The following NIPA2 variants were observed in gnomAD, a reference collection of about 807,000 sequenced individuals.
NIPA2 encodes magnesium transporter NIPA2.
NIPA2 carries 11 observed loss-of-function variants against 29.7 expected under a neutral mutation model. That is an observed-to-expected ratio of 0.37 (90% CI 0.23 to 0.61). The LOEUF is 0.61. NIPA2 is among the 20% of genes least tolerant of loss of function. NIPA2 has a pLI of 0.66. For synonymous variants in NIPA2, 183 were observed against 161.9 expected, an observed-to-expected ratio of 1.13 and a Z score of -0.99; for missense variants, 426 against 437.9, an observed-to-expected ratio of 0.97 and a Z score of 0.24.
chr15:22,856,936 A>C (rs887575504), intron 5 of NIPA2, among the ~76,000 whole-genome samples: 3 of 152,198 alleles, frequency 2.0e-5, no homozygotes, highest in Non-Finnish European at 4.4e-5. Context: ...GTAGCTTTTC[A>C]ATTTAGATAA....
At position 22,866,427 on chromosome 15, in the gene NIPA2, G is replaced by C. The variant is rs530655089; in HGVS notation, c.663G>C (p.Leu221=). ...PVLRHPLAWI[L]LLSLIVCVST... is the part of the protein sequence containing the mutation. ...TGCGGCATCCCCTGGCTTGGATTCT[G>C]CTGCTGAGCCTCATCGTCTGTGTGA... is the stretch of plus-strand genomic sequence containing the variant. Residue 221 remains leucine, a synonymous_variant, in exon 8 of 8, where the codon CTG becomes CTC. Transcript: ENST00000337451. The C allele has an allele frequency of 1.2e-6, 2 of 1,614,152 alleles. No homozygotes were observed. Among genetic ancestry groups the C allele is most frequent in the African/African-American group, 2.7e-5 (2 of 75,032 alleles).
At chr15:22,852,338 G>A (rs2057815894) in intron 4 of NIPA2, among the ~76,000 whole-genome samples, 1 of 151,882 alleles carries the variant, frequency 6.6e-6, no homozygotes, top group Non-Finnish European at 1.5e-5. Context: ...ATGGTGGCCT[G>A]GCCTATAGTC....
intron 2 of NIPA2, among the ~76,000 whole-genome samples, chr15:22,841,691 TAG>T (rs1448836740): frequency 2.0e-5 from 3 of 152,262 alleles, no homozygotes; most frequent in Non-Finnish European, 4.4e-5. Context: ...GTATTTTTAG[TAG>T]AGTCGGGGTT....
At chr15:22,848,097 C>T (rs774334991) in intron 3 of NIPA2, among the ~76,000 whole-genome samples, 1 of 152,078 alleles carries the variant, frequency 6.6e-6, no homozygotes, top group Non-Finnish European at 1.5e-5. Context: ...CACGCCTGGT[C>T]GATGATTTTT....
At chr15:22,860,580 AG>A (rs762821560) in intron 6 of NIPA2, 48 bp from the exon 7 acceptor site, 4 of 1,190,498 alleles carry the variant, frequency 3.4e-6, no homozygotes, top group Non-Finnish European at 4.7e-6. Context: ...TATTTGAAAA[AG>A]GAAAGTAGCT....
chr15:22,849,589 T>C (rs1484597557), intron 3 of NIPA2, among the ~76,000 whole-genome samples: 2 of 151,020 alleles, frequency 1.3e-5, no homozygotes, highest in East Asian at 3.9e-4. Context: ...AGATAGAGTC[T>C]CGCTCTGTCG....
In NIPA2 at chr15:22,856,599, A is replaced by G. The variant is rs2058195474; in HGVS notation, c.197-1941A>G. On this transcript the variant is annotated intron_variant, in intron 5 of 7. Coordinates refer to ENST00000337451, the MANE Select transcript of NIPA2 (RefSeq NM_030922.7). ...GGCAAATTGTAGAGTGTAAATGAAG[A>G]TAATTGTAATATGTTTAACCAATAA... Among the ~76,000 whole-genome samples the G allele has an allele frequency of 2.0e-5, 3 of 152,334 alleles. 1 individual carries two copies. The highest frequency in any genetic ancestry group is 4.1e-4 in the South Asian group (2 of 4,832).
chr15:22,844,599 A>C lies in NIPA2; in HGVS notation c.-215-547A>C, dbSNP rs1319802213. Among the ~76,000 whole-genome samples the C allele has an allele frequency of 2.0e-5, 3 of 152,046 alleles. 1 individual carries two copies. The highest frequency in any genetic ancestry group is 4.8e-5 in the African/African-American group (2 of 41,386). On this transcript the variant is annotated intron_variant, in intron 2 of 7. Coordinates refer to ENST00000337451, the MANE Select transcript of NIPA2 (RefSeq NM_030922.7). ...AAAATGTAGAGAGAACAAGCAGAAC[A>C]AAAAAATTAGCTAGGTGTCGTGGTA...
At chr15:22,858,739 G>A in intron 6 of NIPA2, 109 bp downstream of exon 6, 1 of 634,906 alleles carries the variant, frequency 1.6e-6, no homozygotes, top group Non-Finnish European at 2.5e-6. Context: ...CAACAACCTG[G>A]AGAACTTCGC....
chr15:22,866,536 A>G lies in NIPA2; in HGVS notation c.772A>G (p.Thr258Ala). 1 of 1,613,992 alleles carries G rather than the reference A, an allele frequency of 6.2e-7. No individual in the cohort carries two copies. The highest frequency in any genetic ancestry group is 8.5e-7 in the Non-Finnish European group (1 of 1,179,810). The change falls in exon 8 of 8, where the codon ACA (threonine) becomes GCA (alanine). Residue 258 changes from threonine to alanine, a missense_variant. Around this residue, in one of 3 missense-constraint regions of NIPA2, gnomAD observed 357 missense variants for 339.8 expected, o/e 1.05. Transcript: ENST00000337451. The part of the protein sequence containing the change: ...VTPIYYVFFT[T>A]SVLTCSAILF... ...TCCAATATATTATGTATTCTTTACA[A>G]CATCAGTTTTAACTTGTTCAGCTAT... is the stretch of plus-strand genomic sequence containing the variant.
At chr15:22,864,592 T>A (rs964723431) in intron 7 of NIPA2, among the ~76,000 whole-genome samples, 1 of 152,188 alleles carries the variant, frequency 6.6e-6, no homozygotes, top group Non-Finnish European at 1.5e-5. Flanking sequence ...GACCTCAGCT[T>A]CCTGGAACTC....
At chr15:22,840,168 A>G (rs1291021366) in intron 2 of NIPA2, among the ~76,000 whole-genome samples, 1 of 151,548 alleles carries the variant, frequency 6.6e-6, no homozygotes, top group Admixed American at 6.6e-5. Flanking sequence ...CGATCCAACC[A>G]CCTTGGCCTC....
rs2059217170 is a variant in NIPA2 at position 22,867,759 on chromosome 15, T to TAAC, written c.*914_*916dup. 6.7e-6 allele frequency: 1 copy of TAAC among 150,064 alleles called. No individual in the cohort carries two copies. The highest frequency in any genetic ancestry group is 1.5e-5 in the Non-Finnish European group (1 of 68,006). 9.3% of individuals were successfully genotyped at this position (150,064 alleles called of 1,614,324 possible). ...AAAGTCTGAATGCTTAGAACAAACTTAACATGTTTATAGAATATGGTCTCT... is the reference window on the plus strand; with the variant it reads ...AAAGTCTGAATGCTTAGAACAAACTTAACAACATGTTTATAGAATATGGTCTCT... On this transcript the variant is annotated 3_prime_UTR_variant, in exon 8 of 8. Coordinates refer to ENST00000337451, the MANE Select transcript of NIPA2 (RefSeq NM_030922.7).
At chr15:22,848,396 CTTTG>C (rs945798579) in intron 3 of NIPA2, among the ~76,000 whole-genome samples, 14 of 152,068 alleles carry the variant, frequency 9.2e-5, no homozygotes, top group East Asian at 1.9e-4. Context: ...TTAATGGCTG[CTTTG>C]TTTGTTTGTT....
rs1896490410 is a variant in NIPA2, at chr15:22,839,671, C to T, written c.-335C>T. 1 of 152,094 alleles carries T rather than the reference C, an allele frequency of 6.6e-6. No individual in the cohort carries two copies. The highest frequency in any genetic ancestry group is 2.1e-4 in the South Asian group (1 of 4,820). 9.4% of individuals were successfully genotyped at this position (152,094 alleles called of 1,614,324 possible). The stretch of plus-strand genomic sequence containing the variant: ...TCTTTCTAGGCTGGAGCTACTCGGC[C>T]AGGGTTTAAGACTTTAAATGAGAAT... On this transcript the variant is annotated 5_prime_UTR_variant, in exon 2 of 8. An upstream open reading frame in the 5' UTR gains an earlier in-frame stop. Coordinates refer to ENST00000337451, the MANE Select transcript of NIPA2 (RefSeq NM_030922.7).
At chr15:22,849,472 C>T (rs1046331356) in intron 3 of NIPA2, among the ~76,000 whole-genome samples, 6 of 151,864 alleles carry the variant, frequency 4.0e-5, no homozygotes, top group South Asian at 4.2e-4. Flanking sequence ...GGAAGGCTTT[C>T]GGGTAGACAG....
chr15:22,858,527 G>C lies in NIPA2; in HGVS notation c.197-13G>C. Reference sequence around the variant, plus strand: ...TTCTTACCTGAGTTTTTCTTTTGTTGTCTGTCTCTAAGTGGGAGCTGGTGA... The same window carrying C: ...TTCTTACCTGAGTTTTTCTTTTGTTCTCTGTCTCTAAGTGGGAGCTGGTGA... On this transcript the variant is annotated splice_polypyrimidine_tract_variant and intron_variant, in intron 5 of 7. Coordinates refer to ENST00000337451, the MANE Select transcript of NIPA2 (RefSeq NM_030922.7). 2 of 1,588,246 alleles carry C rather than the reference G, an allele frequency of 1.3e-6. No homozygotes were observed. The highest frequency in any genetic ancestry group is 1.7e-6 in the Non-Finnish European group (2 of 1,163,372).
intron 3 of NIPA2, among the ~76,000 whole-genome samples, chr15:22,845,774 GACTCTCGAAAGCCATATGC>G (rs1312634583): frequency 6.6e-6 from 1 of 152,182 alleles, no homozygotes; most frequent in East Asian, 1.9e-4. Flanking sequence ...TGGCCAGGGG[GACTCTCGAAAGCCATATGC>G]ACATGATGGA....
chr15:22,866,061 G>A (rs537593772), intron 7 of NIPA2, 152 bp from the exon 8 acceptor site: 24 of 633,768 alleles, frequency 3.8e-5, no homozygotes, highest in Non-Finnish European at 6.0e-5. Context: ...AATTTTTGTG[G>A]TTGCATTTCT....
Sources: allele counts gnomAD v4.1 joint callset (sites outside exome capture counted in the v4.1 genomes callset), GRCh38; gene constraint gnomAD v4.1.1; regional missense constraint gnomAD v4.1.1; transcripts MANE v1.5; gene names NCBI Gene and HGNC (gene_info 2026-07-23, HGNC 2026-07-21).